SPATA9: variants seen among roughly 807,000 people sequenced by gnomAD.
The protein encoded by SPATA9 is spermatogenesis-associated protein 9.
Under a neutral mutation model 25.5 loss-of-function variants are expected in SPATA9, and 27 were observed. The ratio of observed to expected loss-of-function variants is 1.06; its 90% CI spans 0.78 to 1.46. The LOEUF is 1.46. Ranked by LOEUF, SPATA9 falls within the 40% of genes most tolerant of loss-of-function variation. The pLI, the probability that SPATA9 is intolerant of heterozygous loss-of-function variation, is 0.00. For missense variants in SPATA9, 282 were observed against 297.5 expected (o/e 0.95, Z 0.38); for synonymous variants, 102 against 105.7 (o/e 0.97, Z 0.21).
the SPATA9 span, among the ~76,000 whole-genome samples, chr5:95,716,569 G>A: frequency 6.6e-6 from 1 of 152,206 alleles, no homozygotes; most frequent in African/African-American, 2.4e-5. Context: ...TAGGTGGAAG[G>A]TACTTGCCTT....
At chr5:95,705,171 T>A in the SPATA9 span, among the ~76,000 whole-genome samples, 2 of 152,158 alleles carry the variant, frequency 1.3e-5, no homozygotes, top group Non-Finnish European at 1.5e-5. Flanking sequence ...TTTTGCTATG[T>A]TGCCCAAGCT....
intron 1 of SPATA9, among the ~76,000 whole-genome samples, chr5:95,696,561 C>G (rs173879): frequency 0.57 from 86,771 of 152,058 alleles, 24,954 homozygotes; most frequent in East Asian, 0.8. Flanking sequence ...GTGGGCATTA[C>G]TCTTTGATCC....
At chr5:95,671,334 A>C (rs1346237275) in intron 3 of SPATA9, among the ~76,000 whole-genome samples, 2 of 152,210 alleles carry the variant, frequency 1.3e-5, no homozygotes, top group Non-Finnish European at 2.9e-5. Context: ...TGAGCCCCAC[A>C]GTCCATAGGG....
the SPATA9 span, chr5:95,730,910 G>A: frequency 2.2e-6 from 1 of 457,088 alleles, no homozygotes; most frequent in Non-Finnish European, 4.4e-6. Flanking sequence ...AAGCACTTTC[G>A]GTCAAGGCCA....
upstream of SPATA9, among the ~76,000 whole-genome samples, chr5:95,687,707 G>A (rs924460406): frequency 6.6e-6 from 1 of 152,208 alleles, no homozygotes; most frequent in Non-Finnish European, 1.5e-5. Flanking sequence ...ATATAGAGGA[G>A]AGAATCGGCA....
At chr5:95,665,086 T>C (rs981423116) in intron 3 of SPATA9, among the ~76,000 whole-genome samples, 1 of 152,224 alleles carries the variant, frequency 6.6e-6, no homozygotes, top group Non-Finnish European at 1.5e-5. Flanking sequence ...ATTGACACAT[T>C]GTAATGGTAC....
chr5:95,691,643 A>C (rs780638253), intron 1 of SPATA9, among the ~76,000 whole-genome samples: 8 of 152,214 alleles, frequency 5.3e-5, no homozygotes, highest in Non-Finnish European at 1.2e-4. Flanking sequence ...AAGGAGTTAC[A>C]AAAGATATTT....
chr5:95,656,298 A>G (rs1286387522), downstream of SPATA9: 1 of 1,602,746 alleles, frequency 6.2e-7, no homozygotes, highest in Admixed American at 1.7e-5. Context: ...AGTAATTAAG[A>G]GTTCTTCCTG....
At chr5:95,685,428 T>C (rs1413724456), upstream of SPATA9, among the ~76,000 whole-genome samples, 3 of 152,318 alleles carry the variant, frequency 2.0e-5, no homozygotes, top group Middle Eastern at 3.4e-3. Context: ...CTATCTGCCA[T>C]GTGAGACTTC....
chr5:95,680,697 A>G (rs559875666), intron 2 of SPATA9, among the ~76,000 whole-genome samples: 2 of 152,328 alleles, frequency 1.3e-5, no homozygotes, highest in South Asian at 4.1e-4. Context: ...ACTATACACT[A>G]TAACAACACA....
the SPATA9 span, among the ~76,000 whole-genome samples, chr5:95,724,527 G>A: frequency 6.6e-6 from 1 of 152,182 alleles, no homozygotes; most frequent in Non-Finnish European, 1.5e-5. Flanking sequence ...CAAACACTGG[G>A]TAAGGGCACA....
upstream of SPATA9, among the ~76,000 whole-genome samples, chr5:95,700,362 C>T (rs1754147943): frequency 2.0e-5 from 3 of 152,034 alleles, 1 homozygote; most frequent in Admixed American, 2.0e-4. Context: ...TGCAGTGATG[C>T]AATCTCAGCT....
At chr5:95,683,015 A>G, upstream of SPATA9, 1 of 1,282,474 alleles carries the variant, frequency 7.8e-7, no homozygotes. Flanking sequence ...GTTACTGTAC[A>G]ATAGGCTTCC....
At chr5:95,688,030 T>C (rs1753792609) in intron 1 of SPATA9, among the ~76,000 whole-genome samples, 1 of 152,136 alleles carries the variant, frequency 6.6e-6, no homozygotes, top group African/African-American at 2.4e-5. Context: ...GAACTAAAAA[T>C]AGAACTACTA....
At position 95,658,930 on chromosome 5, in the gene SPATA9, G is replaced by A. The variant is rs1388780578; in HGVS notation, c.475-17C>T. ...ACAGACTGCCTATACAATAAAAAGAGTTTGTAAAGTGAAGTTTCTTTTTAA... is the reference window on the plus strand; with the variant it reads ...ACAGACTGCCTATACAATAAAAAGAATTTGTAAAGTGAAGTTTCTTTTTAA... On this transcript the variant is annotated splice_polypyrimidine_tract_variant and intron_variant, in intron 4 of 4. Coordinates refer to ENST00000274432, the MANE Select transcript of SPATA9 (RefSeq NM_031952.4). 2 of 1,564,978 alleles carry A rather than the reference G, an allele frequency of 1.3e-6. No individual in the cohort carries two copies. Among genetic ancestry groups the A allele is most frequent in the Non-Finnish European group, 1.7e-6 (2 of 1,160,100 alleles).
At chr5:95,724,803 C>T in the SPATA9 span, among the ~76,000 whole-genome samples, 1 of 152,148 alleles carries the variant, frequency 6.6e-6, no homozygotes, top group African/African-American at 2.4e-5. Context: ...ATAGAACCTA[C>T]TCCATAGGGT....
At chr5:95,708,031 A>C in the SPATA9 span, among the ~76,000 whole-genome samples, 2 of 152,072 alleles carry the variant, frequency 1.3e-5, no homozygotes, top group Non-Finnish European at 2.9e-5. Context: ...TACAAGGCCC[A>C]AAAATTAAAG....
chr5:95,711,425 A>T, the SPATA9 span, among the ~76,000 whole-genome samples: 8 of 152,182 alleles, frequency 5.3e-5, no homozygotes, highest in African/African-American at 9.6e-5. Flanking sequence ...CAGAGAAGGC[A>T]GGATTTTGGG....
At chr5:95,705,964 A>G in the SPATA9 span, among the ~76,000 whole-genome samples, 107,912 of 152,096 alleles carry the variant, frequency 0.71, 39,588 homozygotes, top group East Asian at 0.97. Flanking sequence ...AGGAAAGTAA[A>G]GGATGCTGGG....
Sources: allele counts gnomAD v4.1 joint callset (sites outside exome capture counted in the v4.1 genomes callset), GRCh38; gene constraint gnomAD v4.1.1; transcripts MANE v1.5; gene names NCBI Gene and HGNC (gene_info 2026-07-23, HGNC 2026-07-21).